The following PPARGC1A variants were observed in gnomAD, a reference collection of about 807,000 sequenced individuals.
PPARGC1A encodes PPARG coactivator 1 alpha.
Under a neutral mutation model 88.7 loss-of-function variants are expected in PPARGC1A, and 25 were observed. That is an observed-to-expected ratio of 0.28 (90% CI 0.21 to 0.39). PPARGC1A has a LOEUF of 0.39. Ranked by LOEUF, PPARGC1A falls within the 10% of genes least tolerant of loss-of-function variation. The pLI is 1.00. For synonymous variants in PPARGC1A, 363 were observed against 355.6 expected (o/e 1.02, Z -0.24); for missense variants, 880 against 968.7 (o/e 0.91, Z 1.22).
At chr4:24,469,923 C>G in the PPARGC1A span, among the ~76,000 whole-genome samples, 2 of 152,170 alleles carry the variant, frequency 1.3e-5, no homozygotes, top group African/African-American at 2.4e-5. Flanking sequence ...AATCCAGCCG[C>G]AGCCCTTCGC....
intron 2 of PPARGC1A, among the ~76,000 whole-genome samples, chr4:23,849,992 TAAG>T (rs1440853548): frequency 7.9e-5 from 12 of 151,870 alleles, no homozygotes; most frequent in Non-Finnish European, 8.8e-5. Flanking sequence ...AAAATGAAAA[TAAG>T]AAGAGAAAGA....
At chr4:24,075,388 G>A in the PPARGC1A span, among the ~76,000 whole-genome samples, 1 of 152,118 alleles carries the variant, frequency 6.6e-6, no homozygotes, top group Admixed American at 6.5e-5. Flanking sequence ...ACCCATGAAA[G>A]TTTCAGGTAA....
At chr4:24,326,025 CTG>C in the PPARGC1A span, among the ~76,000 whole-genome samples, 4,751 of 152,192 alleles carry the variant, frequency 0.031, 216 homozygotes, top group African/African-American at 0.099. Flanking sequence ...ACTATAGCCG[CTG>C]ATCTCATTGA....
the PPARGC1A span, among the ~76,000 whole-genome samples, chr4:24,446,481 G>A: frequency 6.6e-6 from 1 of 152,136 alleles, no homozygotes; most frequent in Admixed American, 6.5e-5. Context: ...TTCCTTCAAG[G>A]GGAAAGAGGA....
the PPARGC1A span, among the ~76,000 whole-genome samples, chr4:23,910,952 C>A: frequency 6.6e-6 from 1 of 151,840 alleles, no homozygotes; most frequent in African/African-American, 2.4e-5. Context: ...CCCCTCAACC[C>A]CCACCCAAAC....
chr4:24,163,483 T>G, the PPARGC1A span, among the ~76,000 whole-genome samples: 2 of 151,962 alleles, frequency 1.3e-5, no homozygotes, highest in South Asian at 4.2e-4. Context: ...TTAGAGGTAG[T>G]CAAACTAAGC....
the PPARGC1A span, among the ~76,000 whole-genome samples, chr4:23,927,269 T>C: frequency 8.1e-3 from 1,227 of 152,338 alleles, 9 homozygotes; most frequent in South Asian, 0.02. Flanking sequence ...ACTGAATGTA[T>C]ACCACTTTTA....
At chr4:23,875,028 T>C (rs1049621740) in intron 2 of PPARGC1A, among the ~76,000 whole-genome samples, 5 of 152,240 alleles carry the variant, frequency 3.3e-5, no homozygotes, top group African/African-American at 1.2e-4. Flanking sequence ...ATAAATTGCT[T>C]GTATTGTATG....
chr4:23,798,090 C>T (rs1301463631), intron 12 of PPARGC1A, among the ~76,000 whole-genome samples: 2 of 152,100 alleles, frequency 1.3e-5, no homozygotes, highest in Non-Finnish European at 2.9e-5. Context: ...AACAACCCCC[C>T]TTTTTCCTTT....
chr4:24,383,368 G>A, the PPARGC1A span, among the ~76,000 whole-genome samples: 1 of 152,130 alleles, frequency 6.6e-6, no homozygotes, highest in Non-Finnish European at 1.5e-5. Flanking sequence ...GCTGGACGGA[G>A]AATGAGTTTG....
At chr4:23,901,653 C>G (rs1431292219), upstream of PPARGC1A, among the ~76,000 whole-genome samples, 1 of 152,022 alleles carries the variant, frequency 6.6e-6, no homozygotes, top group African/African-American at 2.4e-5. Context: ...CACAAAGTAT[C>G]AAATTGTGTT....
intron 9 of PPARGC1A, 23 bp downstream of exon 9, chr4:23,812,998 A>G (rs747532443): frequency 6.2e-7 from 1 of 1,612,940 alleles, no homozygotes. Flanking sequence ...AGGGAGCTAA[A>G]GGAAAATGAC....
the PPARGC1A span, among the ~76,000 whole-genome samples, chr4:24,261,288 C>T: frequency 6.6e-6 from 1 of 152,194 alleles, no homozygotes; most frequent in East Asian, 1.9e-4. Context: ...TGAATCCCTG[C>T]CCTGGCACTC....
At chr4:23,974,943 C>A in the PPARGC1A span, among the ~76,000 whole-genome samples, 1 of 151,422 alleles carries the variant, frequency 6.6e-6, no homozygotes, top group Non-Finnish European at 1.5e-5. Context: ...GCATGAGCAA[C>A]CACACCCGGC....
chr4:24,418,684 G>A, the PPARGC1A span, among the ~76,000 whole-genome samples: 1 of 152,186 alleles, frequency 6.6e-6, no homozygotes, highest in African/African-American at 2.4e-5. Context: ...TAAAGATTAA[G>A]TAATTATACA....
chr4:24,232,342 A>G, the PPARGC1A span, among the ~76,000 whole-genome samples: 1 of 152,210 alleles, frequency 6.6e-6, no homozygotes. Flanking sequence ...AGTGATGCAG[A>G]GCAAGGTTTG....
chr4:23,863,966 C>T (rs543942861), intron 2 of PPARGC1A, among the ~76,000 whole-genome samples: 5 of 152,250 alleles, frequency 3.3e-5, no homozygotes, highest in South Asian at 2.1e-4. Flanking sequence ...AGACTGGTCT[C>T]GAACTCTTGA....
the PPARGC1A span, among the ~76,000 whole-genome samples, chr4:24,333,937 CAACAAAAAAAAAAAAA>C: frequency 6.3e-3 from 65 of 10,386 alleles, 3 homozygotes; most frequent in Middle Eastern, 0.17. Context: ...CCAACAACAA[CAACAAAAAAAAAAAAA>C]AAAAAAAAAA....
At chr4:24,411,651 A>T in the PPARGC1A span, among the ~76,000 whole-genome samples, 8 of 152,188 alleles carry the variant, frequency 5.3e-5, no homozygotes, top group African/African-American at 1.7e-4. Context: ...CTGCTTTAAA[A>T]ATCCTGTGTT....
Sources: allele counts gnomAD v4.1 joint callset (sites outside exome capture counted in the v4.1 genomes callset), GRCh38; gene constraint gnomAD v4.1.1; transcripts MANE v1.5; gene names NCBI Gene and HGNC (gene_info 2026-07-23, HGNC 2026-07-21).